The following PLD5 variants were observed in gnomAD, a reference collection of about 807,000 sequenced individuals.
PLD5 encodes the protein inactive phospholipase D5.
A neutral mutation model predicts 61.1 loss-of-function variants in PLD5; 36 were observed. The ratio of observed to expected loss-of-function variants is 0.59; its 90% CI spans 0.45 to 0.78. PLD5 has a LOEUF of 0.78. Ranked by LOEUF, PLD5 falls within the 30% of genes least tolerant of loss-of-function variation. The pLI is 0.00. For synonymous variants in PLD5, 243 were observed against 242.8 expected, an observed-to-expected ratio of 1.00 and a Z score of -0.01; for missense variants, 515 against 644.4, an observed-to-expected ratio of 0.80 and a Z score of 2.17.
At chr1:242,482,789 T>C (rs1225760867) in intron 1 of PLD5, among the ~76,000 whole-genome samples, 1 of 151,918 alleles carries the variant, frequency 6.6e-6, no homozygotes, top group Non-Finnish European at 1.5e-5. Flanking sequence ...AAGGAAAAAA[T>C]GTTAAGGGCA....
At chr1:242,453,686 G>T (rs10926742) in intron 1 of PLD5, among the ~76,000 whole-genome samples, 48,922 of 152,008 alleles carry the variant, frequency 0.32, 8,182 homozygotes, top group Admixed American at 0.36. Context: ...CTATCACAAT[G>T]TAGGGCTCCC....
chr1:242,377,586 T>C (rs761718211), intron 1 of PLD5, among the ~76,000 whole-genome samples: 2 of 152,054 alleles, frequency 1.3e-5, no homozygotes, highest in Non-Finnish European at 2.9e-5. Flanking sequence ...CTGGTCCCAG[T>C]ACAACCTCAC....
chr1:242,181,686 CAG>C (rs1193404136), intron 5 of PLD5, among the ~76,000 whole-genome samples: 1 of 151,636 alleles, frequency 6.6e-6, no homozygotes, highest in African/African-American at 2.4e-5. Context: ...TGTTTTGAGA[CAG>C]AGTCTCACTC....
intron 4 of PLD5, among the ~76,000 whole-genome samples, chr1:242,222,805 G>C (rs1035372802): frequency 2.0e-5 from 3 of 152,138 alleles, no homozygotes; most frequent in African/African-American, 7.2e-5. Flanking sequence ...ATGGTCGTGT[G>C]TAACCCTCCA....
intron 1 of PLD5, among the ~76,000 whole-genome samples, chr1:242,433,344 TCTCAG>T (rs956958781): frequency 6.6e-6 from 1 of 152,186 alleles, no homozygotes; most frequent in African/African-American, 2.4e-5. Flanking sequence ...AGAATTCTCC[TCTCAG>T]GACAGCCATT....
intron 1 of PLD5, among the ~76,000 whole-genome samples, chr1:242,437,215 A>C (rs777428302): frequency 4.4e-4 from 67 of 152,174 alleles, no homozygotes; most frequent in Non-Finnish European, 8.5e-4. Context: ...CACAAATCAC[A>C]CACATTTAAA....
At chr1:242,215,266 T>C (rs2164418) in intron 5 of PLD5, among the ~76,000 whole-genome samples, 42,866 of 151,828 alleles carry the variant, frequency 0.28, 6,483 homozygotes, top group South Asian at 0.4. Flanking sequence ...CTTATGCCAA[T>C]TCACAATTCC....
rs1388812322 is a variant in PLD5 at position 242,235,746 on chromosome 1, CAAGG to C, written c.608-15635_608-15632del. 7 of 152,276 alleles carry C rather than the reference CAAGG, an allele frequency of 4.6e-5. No individual in the cohort carries two copies. The South Asian group carries it at 1.5e-3, about 32-fold the overall frequency. The allele number at this position is 152,276 out of a possible 1,614,324, so 9.4% of individuals were successfully genotyped here. A position where few individuals can be genotyped will look rare whatever the true frequency, so the allele number is the denominator to read the frequency against. On this transcript the variant is annotated intron_variant, in intron 4 of 9. Coordinates refer to ENST00000536534, the MANE Select transcript of PLD5 (RefSeq NM_001372062.1). ...AAGCTGTTGGTGTCCAACTTCCTTT[CAAGG>C]AAGGGCTATGCTGGCCCAGAGATCC...
intron 5 of PLD5, among the ~76,000 whole-genome samples, chr1:242,165,033 A>G (rs1666198045): frequency 6.6e-6 from 1 of 152,168 alleles, no homozygotes; most frequent in Non-Finnish European, 1.5e-5. Context: ...AGGTGGAATA[A>G]AAACTCCACA....
intron 1 of PLD5, among the ~76,000 whole-genome samples, chr1:242,472,805 G>A (rs1667482980): frequency 6.7e-6 from 1 of 150,164 alleles, no homozygotes; most frequent in Admixed American, 6.6e-5. Flanking sequence ...TCAAATCCGT[G>A]TGTTCCATCT....
At chr1:242,394,869 AATAT>A (rs1336213777) in intron 1 of PLD5, among the ~76,000 whole-genome samples, 1 of 113,842 alleles carries the variant, frequency 8.8e-6, no homozygotes, top group Non-Finnish European at 1.8e-5. Flanking sequence ...TGTATATATG[AATAT>A]ATATGAATAT....
intron 9 of PLD5, among the ~76,000 whole-genome samples, chr1:242,093,729 T>A (rs1169310752): frequency 7.2e-5 from 11 of 151,910 alleles, no homozygotes; most frequent in Admixed American, 7.2e-4. Flanking sequence ...AGGAGCATCA[T>A]AGCCACATTG....
chr1:242,228,435 G>A (rs1445618905), intron 4 of PLD5, among the ~76,000 whole-genome samples: 1 of 152,292 alleles, frequency 6.6e-6, no homozygotes, highest in South Asian at 2.1e-4. Flanking sequence ...GTGAAAACAT[G>A]TAGTCTCTAT....
At chr1:242,321,995 T>C (rs1170569791) in intron 2 of PLD5, among the ~76,000 whole-genome samples, 5 of 152,132 alleles carry the variant, frequency 3.3e-5, no homozygotes, top group Non-Finnish European at 7.4e-5. Context: ...TGGTACAACG[T>C]AAAGTAGCAT....
intron 1 of PLD5, among the ~76,000 whole-genome samples, chr1:242,429,092 T>C (rs993393137): frequency 6.6e-6 from 1 of 152,216 alleles, no homozygotes; most frequent in African/African-American, 2.4e-5. Flanking sequence ...CAGTTCAAAG[T>C]TGAATGACCA....
chr1:242,524,319 A>G lies in PLD5; in HGVS notation c.-43T>C, dbSNP rs1669376312. On this transcript the variant is annotated 5_prime_UTR_variant, in exon 1 of 10. Transcript: ENST00000536534. The stretch of plus-strand genomic sequence containing the variant: ...GCCGCCGGCGAGCAGCGGACTCGGG[A>G]CGGGCGCGCGGGGAGCCGGGCGCGG... 2.2e-6 allele frequency: 3 copies of G among 1,365,342 alleles called. No individual in the cohort carries two copies. Among genetic ancestry groups the G allele is most frequent in the African/African-American group, 1.5e-5 (1 of 64,736 alleles). 84.6% of individuals were successfully genotyped at this position (1,365,342 alleles called of 1,614,324 possible). A position where few individuals can be genotyped will look rare whatever the true frequency, so the allele number is the denominator to read the frequency against.
chr1:242,238,116 A>G (rs1322985545), intron 4 of PLD5, among the ~76,000 whole-genome samples: 3 of 152,118 alleles, frequency 2.0e-5, no homozygotes, highest in Middle Eastern at 3.2e-3. Flanking sequence ...TTGGACACAG[A>G]CTGATATACT....
intron 2 of PLD5, among the ~76,000 whole-genome samples, chr1:242,319,044 G>A (rs1416390476): frequency 3.9e-5 from 6 of 152,176 alleles, no homozygotes; most frequent in Non-Finnish European, 7.4e-5. Flanking sequence ...GGGGCAGGAG[G>A]GGCTCCAGAG....
intron 5 of PLD5, among the ~76,000 whole-genome samples, chr1:242,195,002 A>T (rs2148940701): frequency 6.6e-6 from 1 of 152,190 alleles, no homozygotes; most frequent in East Asian, 1.9e-4. Flanking sequence ...ACCAAACACC[A>T]CCTGTTCCCC....
Sources: allele counts gnomAD v4.1 joint callset (sites outside exome capture counted in the v4.1 genomes callset), GRCh38; gene constraint gnomAD v4.1.1; transcripts MANE v1.5; gene names NCBI Gene and HGNC (gene_info 2026-07-23, HGNC 2026-07-21).